The following VCL variants were observed in gnomAD, a reference collection of about 807,000 sequenced individuals.
VCL encodes epididymis luminal protein 114.
VCL carries 47 observed loss-of-function variants against 125.7 expected under a neutral mutation model. The ratio of observed to expected loss-of-function variants is 0.37; its 90% CI spans 0.30 to 0.48. The LOEUF (loss-of-function observed/expected upper bound fraction) is 0.48, where lower values mean the gene tolerates loss of function less well. Among genes scored for constraint, VCL ranks in the 20% least tolerant of loss-of-function variants. The pLI is 0.99. For synonymous variants in VCL, 458 were observed against 514.6 expected (o/e 0.89, Z 1.49); for missense variants, 1,069 against 1,455.5 (o/e 0.73, Z 4.32).
rs1383729349 is a variant in VCL, at chr10:74,090,215, T to A, written c.1352+17T>A. On this transcript the variant is annotated intron_variant, in intron 10 of 21. Transcript: ENST00000211998. ...ACGAAGACAGTATGTATTTAACCCT[T>A]ACATTGCCTTTTCATATCTTTTCTT... 6.2e-7 allele frequency: 1 copy of A among 1,613,734 alleles called. No homozygotes were observed. Among genetic ancestry groups the A allele is most frequent in the Non-Finnish European group, 8.5e-7 (1 of 1,179,838 alleles).
intron 1 of VCL, among the ~76,000 whole-genome samples, chr10:74,002,269 G>A (rs1222091166): frequency 6.6e-6 from 1 of 152,160 alleles, no homozygotes. Context: ...GGGATTACAG[G>A]CATGTGCCAC....
At chr10:74,016,088 C>T (rs1168311243) in intron 1 of VCL, among the ~76,000 whole-genome samples, 1 of 152,158 alleles carries the variant, frequency 6.6e-6, no homozygotes, top group South Asian at 2.1e-4. Flanking sequence ...GCCTGGGCCT[C>T]CCAAAGTCTT....
At chr10:74,042,461 A>G (rs779426123) in intron 1 of VCL, among the ~76,000 whole-genome samples, 12 of 152,230 alleles carry the variant, frequency 7.9e-5, no homozygotes, top group Non-Finnish European at 1.6e-4. Context: ...TCCAAAGAGA[A>G]TATGTCAGTT....
At chr10:74,077,128 A>T in intron 6 of VCL, 1 of 152,776 alleles carries the variant, frequency 6.5e-6, no homozygotes, top group Non-Finnish European at 1.5e-5. Context: ...ATGCTACAAA[A>T]CTAACTTCAT....
chr10:74,111,259 C>A (rs1208067033), intron 18 of VCL, among the ~76,000 whole-genome samples: 3 of 152,142 alleles, frequency 2.0e-5, no homozygotes, highest in Non-Finnish European at 4.4e-5. Context: ...TACTTAAGTT[C>A]TCTTCAGTCA....
Position 74,038,934 on chromosome 10 carries a change from G to A in VCL, c.169-4149G>A, listed in dbSNP as rs139226279. Among the ~76,000 whole-genome samples the A allele has an allele frequency of 3.6e-3, 548 of 150,962 alleles. 4 individuals are homozygous for A. Among genetic ancestry groups the A allele is most frequent in the African/African-American group, 0.012 (507 of 41,112 alleles). On this transcript the variant is annotated intron_variant, in intron 1 of 21. Coordinates refer to ENST00000211998, the MANE Select transcript of VCL (RefSeq NM_014000.3). ...TTTTATTTTTTCCTTTTTTTGAGAC[G>A]GTGTTTTGCTCTTGTCACCCAGGCT... is the stretch of plus-strand genomic sequence containing the variant.
At chr10:74,001,371 C>T (rs940556628) in intron 1 of VCL, among the ~76,000 whole-genome samples, 5 of 152,214 alleles carry the variant, frequency 3.3e-5, no homozygotes, top group Admixed American at 6.5e-5. Context: ...TGTTATGTTG[C>T]CCAGGCTGGT....
At chr10:74,114,988 T>TA in intron 21 of VCL, 89 bp downstream of exon 21, 1 of 1,207,522 alleles carries the variant, frequency 8.3e-7, no homozygotes, top group Non-Finnish European at 1.2e-6. Context: ...TTTTACCCCT[T>TA]AATTGAGTAT....
At chr10:74,017,559 T>TC in intron 1 of VCL, among the ~76,000 whole-genome samples, 1 of 146,500 alleles carries the variant, frequency 6.8e-6, no homozygotes, top group East Asian at 2.0e-4. Context: ...CTTTCTTTCT[T>TC]TTTTTTTTTT....
At chr10:74,036,078 A>G (rs943381304) in intron 1 of VCL, among the ~76,000 whole-genome samples, 1 of 152,218 alleles carries the variant, frequency 6.6e-6, no homozygotes, top group African/African-American at 2.4e-5. Flanking sequence ...CATAGATACC[A>G]AGAGACATGA....
chr10:74,101,188 T>G (rs1246685807), intron 14 of VCL, 91 bp downstream of exon 14: 38 of 1,529,620 alleles, frequency 2.5e-5, no homozygotes, highest in Non-Finnish European at 3.4e-5. Context: ...TACCGTAAGA[T>G]GGCATAAAAA....
In VCL at chr10:74,110,285, C is replaced by T. The variant is rs1874149; in HGVS notation, c.2745+1129C>T. On this transcript the variant is annotated intron_variant, in intron 18 of 21. Coordinates refer to ENST00000211998, the MANE Select transcript of VCL (RefSeq NM_014000.3). The stretch of plus-strand genomic sequence containing the variant: ...TTACAATGAACCAAAATACACTATG[C>T]AGAACAAAAAATATACATGAATTAT... Among the ~76,000 whole-genome samples the T allele has an allele frequency of 3.9e-3, 596 of 152,182 alleles. 4 individuals are homozygous for T. Among genetic ancestry groups the T allele is most frequent in the African/African-American group, 0.013 (537 of 41,508 alleles).
At chr10:74,101,193 TA>T in intron 14 of VCL, 96 bp downstream of exon 14, 4 of 1,502,814 alleles carry the variant, frequency 2.7e-6, no homozygotes, top group African/African-American at 1.4e-5. Flanking sequence ...TAAGATGGCA[TA>T]AAAAAACATA....
intron 2 of VCL, among the ~76,000 whole-genome samples, chr10:74,062,141 T>C (rs919085355): frequency 6.6e-6 from 1 of 151,906 alleles, no homozygotes. Flanking sequence ...CACGGCTCAC[T>C]GCATCCTCAA....
Position 74,095,796 on chromosome 10 carries a change from G to A in VCL, c.1684G>A (p.Gly562Arg), listed in dbSNP as rs2131916419. ...TAQLADLAAR[G>R]EGESPQARAL... ...CCAGCTGGCTGACCTGGCTGCCAGAGGGGAAGGGGAGAGTCCTCAGGCACG... is the reference window on the plus strand; with the variant it reads ...CCAGCTGGCTGACCTGGCTGCCAGAAGGGAAGGGGAGAGTCCTCAGGCACG... Residue 562 changes from glycine (G) to arginine (R), a missense_variant, in exon 12 of 22, where the codon GGG (glycine) becomes AGG (arginine). Physicochemically the swap from Gly to Arg is moderately radical, Grantham distance 125. This residue lies in a region of VCL where 760 missense variants were observed against 928.9 expected (regional missense o/e 0.82). Coordinates refer to ENST00000211998, the MANE Select transcript of VCL (RefSeq NM_014000.3). 6.2e-7 allele frequency: 1 copy of A among 1,614,198 alleles called. No homozygotes were observed. The highest frequency in any genetic ancestry group is 8.5e-7 in the Non-Finnish European group (1 of 1,180,040).
intron 1 of VCL, among the ~76,000 whole-genome samples, chr10:74,023,956 C>A (rs1337575742): frequency 1.3e-5 from 2 of 151,928 alleles, no homozygotes; most frequent in Non-Finnish European, 2.9e-5. Flanking sequence ...CATATGTAGT[C>A]ACACTAAATT....
At chr10:74,105,632 C>G (rs972263194) in intron 16 of VCL, among the ~76,000 whole-genome samples, 11 of 152,198 alleles carry the variant, frequency 7.2e-5, no homozygotes, top group African/African-American at 2.7e-4. Flanking sequence ...TCTCAGCTCA[C>G]TGAAACCTCC....
Position 74,114,804 on chromosome 10 carries a change from C to T in VCL, c.3163C>T (p.Arg1055Ter), listed in dbSNP as rs727505159. 1 of 1,605,572 alleles carries T rather than the reference C, an allele frequency of 6.2e-7. No homozygotes were observed. The highest frequency in any genetic ancestry group is 8.5e-7 in the Non-Finnish European group (1 of 1,177,116). Reference protein sequence around the residue: ...IRTNLLQVCERIPTISTQLKI... With the variant: ...IRTNLLQVCE ...TAAACTTTCTCTTTAGGTATGTGAG[C>T]GAATCCCAACCATAAGCACCCAGCT... is the stretch of plus-strand genomic sequence containing the variant. The change falls in exon 21 of 22, where the codon CGA becomes TGA. Residue 1055 changes from arginine (R) to a stop codon, truncating the protein, a stop_gained. Coordinates refer to ENST00000211998, the MANE Select transcript of VCL (RefSeq NM_014000.3). LOFTEE classifies it high-confidence loss of function.
intron 7 of VCL, 56 bp from the exon 8 acceptor site, chr10:74,083,310 C>G: frequency 6.2e-7 from 1 of 1,605,258 alleles, no homozygotes; most frequent in East Asian, 2.2e-5. Context: ...GTAAAGTATC[C>G]TCTCTAAATA....
Sources: gnomAD v4.1 joint callset for allele counts (sites outside exome capture counted in the v4.1 genomes callset) on GRCh38, gnomAD v4.1.1 for gene constraint, gnomAD v4.1.1 regional missense constraint, MANE v1.5 for transcripts, NCBI Gene and HGNC (gene_info 2026-07-23, HGNC 2026-07-21) for gene names.